The following MAD1L1 variants were observed in gnomAD, a reference collection of about 807,000 sequenced individuals.
The protein encoded by MAD1L1 is mitotic spindle assembly checkpoint protein MAD1.
Under a neutral mutation model 96.9 loss-of-function variants are expected in MAD1L1, and 95 were observed. The observed-to-expected ratio is 0.98, with a 90% CI of 0.83 to 1.16. The LOEUF (loss-of-function observed/expected upper bound fraction) is 1.16. MAD1L1 is among the 50% of genes most tolerant of loss of function. The pLI, the probability that MAD1L1 is intolerant of heterozygous loss-of-function variation, is 0.00. For synonymous variants in MAD1L1, 473 were observed against 396.6 expected (o/e 1.19, Z -2.29); for missense variants, 1,007 against 954.4 (o/e 1.06, Z -0.73).
At chr7:1,837,726 T>G (rs1783008289) in intron 18 of MAD1L1, among the ~76,000 whole-genome samples, 1 of 152,112 alleles carries the variant, frequency 6.6e-6, no homozygotes, top group Admixed American at 6.5e-5. Context: ...CTGGAAAACG[T>G]GGATGAACCC....
At chr7:2,214,161 T>C (rs1386060709) in intron 9 of MAD1L1, among the ~76,000 whole-genome samples, 1 of 152,218 alleles carries the variant, frequency 6.6e-6, no homozygotes, top group Non-Finnish European at 1.5e-5. Context: ...CACTCCTCCC[T>C]GTGCAGACGG....
chr7:2,074,620 C>G (rs1785290914), intron 11 of MAD1L1, among the ~76,000 whole-genome samples: 1 of 152,244 alleles, frequency 6.6e-6, no homozygotes, highest in South Asian at 2.1e-4. Flanking sequence ...GCCCCACTTG[C>G]CTGCAGGCTG....
intron 18 of MAD1L1, among the ~76,000 whole-genome samples, chr7:1,885,820 G>T (rs1785982355): frequency 6.6e-6 from 1 of 152,198 alleles, no homozygotes; most frequent in South Asian, 2.1e-4. Flanking sequence ...CTCCAGCCTG[G>T]CCCCTAGGCC....
chr7:1,937,622 G>C (rs569907848), intron 16 of MAD1L1, among the ~76,000 whole-genome samples: 1 of 150,550 alleles, frequency 6.6e-6, no homozygotes, highest in Non-Finnish European at 1.5e-5. Context: ...GGGGACAGCC[G>C]CCCCCAGCAG....
chr7:1,968,943 A>C lies in MAD1L1; in HGVS notation c.1506-11224T>G, dbSNP rs1162578186. On this transcript the variant is annotated intron_variant, in intron 15 of 18. Coordinates refer to ENST00000265854, the MANE Select transcript of MAD1L1 (RefSeq NM_001013836.2). This position sits in a 1 kb window ranked among gnomAD's most constrained non-coding sequence, Gnocchi z 5.6. The stretch of plus-strand genomic sequence containing the variant: ...AAACAAGGGCTGGAGACAGGCCCAG[A>C]GTCACACGCCGGTGACGAGCACCAT... Among the ~76,000 whole-genome samples the C allele has an allele frequency of 6.6e-6, 1 of 152,230 alleles. No individual in the cohort carries two copies. The highest frequency in any genetic ancestry group is 2.4e-5 in the African/African-American group (1 of 41,454).
At chr7:1,961,817 TG>T (rs1289037810) in intron 15 of MAD1L1, among the ~76,000 whole-genome samples, 1 of 151,264 alleles carries the variant, frequency 6.6e-6, no homozygotes, top group Non-Finnish European at 1.5e-5. Flanking sequence ...GGGAGGGACA[TG>T]GTGGGATATA....
At chr7:2,047,792 C>T (rs922567304) in intron 12 of MAD1L1, among the ~76,000 whole-genome samples, 4 of 152,174 alleles carry the variant, frequency 2.6e-5, no homozygotes, top group Admixed American at 1.3e-4. Flanking sequence ...GACACATGCA[C>T]ACTCACACAC....
intron 17 of MAD1L1, among the ~76,000 whole-genome samples, chr7:1,935,521 A>T (rs542151691): frequency 1.4e-4 from 21 of 152,288 alleles, no homozygotes; most frequent in Middle Eastern, 6.8e-3. Flanking sequence ...GTCTTGGCTT[A>T]TGGGGGTGGG....
chr7:2,094,477 G>C (rs772825452), intron 11 of MAD1L1, among the ~76,000 whole-genome samples: 24 of 152,178 alleles, frequency 1.6e-4, no homozygotes, highest in Non-Finnish European at 3.1e-4. Flanking sequence ...GTGCTTGACG[G>C]GAAAAAGTGA....
intron 18 of MAD1L1, among the ~76,000 whole-genome samples, chr7:1,870,582 C>T (rs1354135670): frequency 7.3e-5 from 11 of 150,788 alleles, no homozygotes; most frequent in Non-Finnish European, 1.0e-4. Flanking sequence ...ATACGCCTGC[C>T]ACGCTGAACC....
intron 18 of MAD1L1, among the ~76,000 whole-genome samples, chr7:1,890,336 G>A (rs1786460063): frequency 6.6e-6 from 1 of 152,180 alleles, no homozygotes; most frequent in African/African-American, 2.4e-5. Flanking sequence ...TGCCTTTGAG[G>A]GAATTAGTGA....
At chr7:1,889,619 C>A (rs73288749) in intron 18 of MAD1L1, among the ~76,000 whole-genome samples, 1 of 152,192 alleles carries the variant, frequency 6.6e-6, no homozygotes, top group Non-Finnish European at 1.5e-5. Context: ...TTCACGGAGG[C>A]AACAGGCTCA....
At chr7:1,908,711 C>A (rs2128448730) in intron 17 of MAD1L1, among the ~76,000 whole-genome samples, 1 of 152,332 alleles carries the variant, frequency 6.6e-6, no homozygotes, top group South Asian at 2.1e-4. Flanking sequence ...CTCAGCACTG[C>A]TGTGGAGAAG....
At chr7:2,033,792 C>CT (rs1166048854) in intron 12 of MAD1L1, among the ~76,000 whole-genome samples, 1 of 152,238 alleles carries the variant, frequency 6.6e-6, no homozygotes, top group African/African-American at 2.4e-5. Flanking sequence ...TGTTCACACC[C>CT]TTCCACTCAG....
chr7:2,221,631 C>G (rs758771923), intron 5 of MAD1L1, among the ~76,000 whole-genome samples: 4 of 152,204 alleles, frequency 2.6e-5, no homozygotes, highest in Non-Finnish European at 4.4e-5. Context: ...CATGTCTGGG[C>G]TGTTTCTAAA....
At chr7:1,827,107 G>A (rs994365438) in intron 18 of MAD1L1, among the ~76,000 whole-genome samples, 2 of 152,230 alleles carry the variant, frequency 1.3e-5, no homozygotes, top group African/African-American at 4.8e-5. Context: ...GGCCTGCGCA[G>A]CCCCTGCTGT....
chr7:2,070,428 C>G (rs928458345), intron 11 of MAD1L1, among the ~76,000 whole-genome samples: 1 of 152,182 alleles, frequency 6.6e-6, no homozygotes, highest in Non-Finnish European at 1.5e-5. Flanking sequence ...AGGGACACAG[C>G]CAGGAGAGAT....
At chr7:1,954,210 T>A (rs1040122476) in intron 16 of MAD1L1, among the ~76,000 whole-genome samples, 4 of 152,092 alleles carry the variant, frequency 2.6e-5, no homozygotes, top group African/African-American at 9.7e-5. Context: ...CAGGCCTGGT[T>A]CACCAGGTAT....
rs7780064 is a variant in MAD1L1, at chr7:2,194,227, G to A, written c.986+18985C>T. ...CTACCACCTCAGCCTCCCAAAGTGC[G>A]GGGATTACGGGCGTGAGCCACTATG... On this transcript the variant is annotated intron_variant, in intron 10 of 18. Coordinates refer to ENST00000265854, the MANE Select transcript of MAD1L1 (RefSeq NM_001013836.2). Among the ~76,000 whole-genome samples, 7 of 152,178 alleles carry A rather than the reference G, an allele frequency of 4.6e-5. No individual in the cohort carries two copies. The South Asian group carries it at 8.3e-4, about 18-fold the overall frequency.
Sources: allele counts gnomAD v4.1 joint callset (sites outside exome capture counted in the v4.1 genomes callset), GRCh38; gene constraint gnomAD v4.1.1; non-coding constraint Gnocchi (gnomAD v3.1); transcripts MANE v1.5; gene names NCBI Gene and HGNC (gene_info 2026-07-23, HGNC 2026-07-21).